Variants in ATXN7L1 observed in about 807,000 individuals in gnomAD.
The protein encoded by ATXN7L1 is ataxin 7 like 1, also known as ataxin-7-like protein 1.
Under a neutral mutation model 70.8 loss-of-function variants are expected in ATXN7L1, and 15 were observed. That is an observed-to-expected ratio of 0.21 (90% CI 0.14 to 0.33). The LOEUF (loss-of-function observed/expected upper bound fraction) is 0.33, where lower values mean the gene tolerates loss of function less well. Among genes scored for constraint, ATXN7L1 ranks in the 10% least tolerant of loss-of-function variants. The pLI, the probability that ATXN7L1 is intolerant of heterozygous loss-of-function variation, is 1.00. For missense variants in ATXN7L1, 975 were observed against 1,097.1 expected, an observed-to-expected ratio of 0.89 and a Z score of 1.57; for synonymous variants, 440 against 445.1, an observed-to-expected ratio of 0.99 and a Z score of 0.14.
At chr7:105,766,008 C>T (rs554887717) in intron 3 of ATXN7L1, among the ~76,000 whole-genome samples, 20 of 151,972 alleles carry the variant, frequency 1.3e-4, no homozygotes, top group Admixed American at 6.6e-4. Flanking sequence ...AGAATGTGAC[C>T]TATGGCCACA....
rs2115929865 is a variant in ATXN7L1 at position 105,643,079 on chromosome 7, T to C, written c.621A>G (p.Leu207=). 6.5e-7 allele frequency: 1 copy of C among 1,544,690 alleles called. No individual in the cohort carries two copies. Among genetic ancestry groups the C allele is most frequent in the Non-Finnish European group, 8.8e-7 (1 of 1,142,266 alleles). The part of the protein sequence containing the change: ...PVVSLEKIPN[L]VKADGANVKM... ...TGACATTGGCACCATCTGCCTTCAC[T>C]AGGTTAGGAATTTTCTCTAAACTGA... Residue 207 remains leucine (L), a synonymous_variant, in exon 5 of 12, where the codon CTA becomes CTG. Coordinates refer to ENST00000419735, the MANE Select transcript of ATXN7L1 (RefSeq NM_020725.2).
At chr7:105,800,006 C>G (rs1438916607) in intron 2 of ATXN7L1, among the ~76,000 whole-genome samples, 1 of 152,162 alleles carries the variant, frequency 6.6e-6, no homozygotes, top group African/African-American at 2.4e-5. Context: ...CACATCTGGG[C>G]CCCTCAAGCC....
chr7:105,629,814 G>A (rs896962218), intron 7 of ATXN7L1, among the ~76,000 whole-genome samples: 4 of 148,540 alleles, frequency 2.7e-5, no homozygotes, highest in African/African-American at 1.0e-4. Flanking sequence ...CTCCGTGCCC[G>A]GTCTTATTAT....
intron 2 of ATXN7L1, among the ~76,000 whole-genome samples, chr7:105,792,865 C>A (rs1199799060): frequency 6.6e-6 from 1 of 152,196 alleles, no homozygotes; most frequent in Non-Finnish European, 1.5e-5. Context: ...TGTAATGCCA[C>A]CACCTAGTGA....
rs1244177324 is a variant in ATXN7L1, at chr7:105,712,619, C to A, written c.356-47331G>T. 2.6e-5 allele frequency among the ~76,000 whole-genome samples: 4 copies of A among 152,346 alleles called. No homozygotes were observed. The East Asian group carries it at 7.7e-4, about 29-fold the overall frequency. ...AGATCCCTAGGGCAGGGGGGAAATG[C>A]TGCCAGTCTCTTTGCTAAAGCATAG... On this transcript the variant is annotated intron_variant, in intron 3 of 11. Transcript: ENST00000419735.
At chr7:105,773,584 A>G (rs1802311600) in intron 3 of ATXN7L1, among the ~76,000 whole-genome samples, 2 of 152,146 alleles carry the variant, frequency 1.3e-5, no homozygotes, top group African/African-American at 4.8e-5. Flanking sequence ...GGAGTGGGAA[A>G]GGCTAAACAG....
chr7:105,754,748 C>T (rs1307659354), intron 3 of ATXN7L1, among the ~76,000 whole-genome samples: 3 of 152,222 alleles, frequency 2.0e-5, no homozygotes, highest in Non-Finnish European at 2.9e-5. Flanking sequence ...GCATGAGCCA[C>T]CATACTCAGT....
At chr7:105,861,483 G>A (rs373087357) in intron 2 of ATXN7L1, among the ~76,000 whole-genome samples, 21 of 139,128 alleles carry the variant, frequency 1.5e-4, no homozygotes, top group African/African-American at 4.5e-4. Context: ...AGGAGAGGAG[G>A]AGGGGGTCTT....
At chr7:105,737,223 G>A (rs563700343) in intron 3 of ATXN7L1, among the ~76,000 whole-genome samples, 2 of 152,226 alleles carry the variant, frequency 1.3e-5, no homozygotes, top group African/African-American at 2.4e-5. Flanking sequence ...CACATACAAC[G>A]CTTTGATAAA....
At chr7:105,867,433 A>G (rs1305468480) in intron 2 of ATXN7L1, among the ~76,000 whole-genome samples, 1 of 152,184 alleles carries the variant, frequency 6.6e-6, no homozygotes, top group Non-Finnish European at 1.5e-5. Flanking sequence ...ACCAGAATTG[A>G]TGCTTTGGGT....
intron 3 of ATXN7L1, among the ~76,000 whole-genome samples, chr7:105,668,723 C>T (rs960503562): frequency 3.3e-5 from 5 of 152,010 alleles, no homozygotes; most frequent in Admixed American, 1.3e-4. Flanking sequence ...CGCCTGGCCC[C>T]GGTTACTTAC....
chr7:105,612,969 CG>C (rs1562884645), intron 10 of ATXN7L1, among the ~76,000 whole-genome samples: 2 of 152,158 alleles, frequency 1.3e-5, no homozygotes, highest in Non-Finnish European at 1.5e-5. Flanking sequence ...TCTAGGCTCC[CG>C]GGCAGGTTGG....
In ATXN7L1 at chr7:105,860,128, A is replaced by AATATATATAT. The variant is rs1470485018; in HGVS notation, c.250+15674_250+15683dup. On this transcript the variant is annotated intron_variant, in intron 2 of 11. Coordinates refer to ENST00000419735, the MANE Select transcript of ATXN7L1 (RefSeq NM_020725.2). ...ATATACAGATAGATCTTTATATGTAAATATATATATATATATATACATATA... is the reference window on the plus strand; with the variant it reads ...ATATACAGATAGATCTTTATATGTAAATATATATATATATATATATATATATATACATATA... Among the ~76,000 whole-genome samples the AATATATATAT allele has an allele frequency of 3.1e-3, 217 of 70,742 alleles. 7 individuals carry two copies. The highest frequency in any genetic ancestry group is 7.8e-3 in the East Asian group (15 of 1,922). 46.4% of individuals were successfully genotyped at this position (70,742 alleles called of 152,430 possible). A position where few individuals can be genotyped will look rare whatever the true frequency, so the allele number is the denominator to read the frequency against.
chr7:105,778,633 T>C (rs1803115490), intron 3 of ATXN7L1, among the ~76,000 whole-genome samples: 1 of 152,172 alleles, frequency 6.6e-6, no homozygotes, highest in Non-Finnish European at 1.5e-5. Flanking sequence ...TTGCAACATT[T>C]CTACTCGATT....
At chr7:105,804,991 G>A (rs930567971) in intron 2 of ATXN7L1, among the ~76,000 whole-genome samples, 3 of 152,152 alleles carry the variant, frequency 2.0e-5, no homozygotes, top group East Asian at 1.9e-4. Context: ...ATAAACACCC[G>A]TGGCGTAGCA....
rs545082561 is a variant in ATXN7L1, at chr7:105,642,640, G to A, written c.862+198C>T. On this transcript the variant is annotated intron_variant, in intron 5 of 11. Coordinates refer to ENST00000419735, the MANE Select transcript of ATXN7L1 (RefSeq NM_020725.2). ...CCGCTAAGCACTGAACTGAGTGAGGGACTTCATCTGCCCGGGGAAGAAGAG... is the reference window on the plus strand; with the variant it reads ...CCGCTAAGCACTGAACTGAGTGAGGAACTTCATCTGCCCGGGGAAGAAGAG... Among the ~76,000 whole-genome samples the A allele has an allele frequency of 4.6e-5, 7 of 152,348 alleles. No individual in the cohort carries two copies. In the East Asian group the frequency reaches 1.3e-3, roughly 29 times the overall value.
intron 4 of ATXN7L1, among the ~76,000 whole-genome samples, chr7:105,651,229 T>G (rs2115979416): frequency 6.6e-6 from 1 of 152,336 alleles, no homozygotes. Context: ...ATCTCAGGCC[T>G]TCCTGGCTCC....
chr7:105,770,399 T>C (rs1222013260), intron 3 of ATXN7L1, among the ~76,000 whole-genome samples: 2 of 152,324 alleles, frequency 1.3e-5, no homozygotes, highest in Non-Finnish European at 2.9e-5. Context: ...GAGGAGAGAA[T>C]CTTTTTCCTG....
intron 3 of ATXN7L1, 22 bp downstream of exon 3, chr7:105,788,582 G>T (rs777849615): frequency 6.3e-7 from 1 of 1,576,916 alleles, no homozygotes; most frequent in South Asian, 1.1e-5. Flanking sequence ...AGATGTGGCC[G>T]ACGGTGCAGG....
Sources: allele counts gnomAD v4.1 joint callset (sites outside exome capture counted in the v4.1 genomes callset), GRCh38; gene constraint gnomAD v4.1.1; transcripts MANE v1.5; gene names NCBI Gene and HGNC (gene_info 2026-07-23, HGNC 2026-07-21).